The following CFAP299 variants were observed in gnomAD, a reference collection of about 807,000 sequenced individuals.
CFAP299 encodes cilia and flagella associated protein 299.
In CFAP299, 21 loss-of-function variants were observed where a neutral mutation model predicts 27.0. The ratio of observed to expected loss-of-function variants is 0.78; its 90% CI spans 0.55 to 1.12. The LOEUF (loss-of-function observed/expected upper bound fraction) is 1.12, where lower values mean the gene tolerates loss of function less well. Among genes scored for constraint, CFAP299 ranks in the 50% most tolerant of loss-of-function variants. CFAP299 has a pLI of 0.00. For missense variants in CFAP299, 310 were observed against 276.6 expected (o/e 1.12, Z -0.86); for synonymous variants, 104 against 98.1 (o/e 1.06, Z -0.36).
intron 2 of CFAP299, among the ~76,000 whole-genome samples, chr4:80,390,851 A>ATG (rs1376795604): frequency 6.9e-6 from 1 of 144,096 alleles, no homozygotes; most frequent in Non-Finnish European, 1.5e-5. Context: ...ATACACATAT[A>ATG]TGTATATGTA....
intron 4 of CFAP299, among the ~76,000 whole-genome samples, chr4:80,876,571 T>C (rs528623783): frequency 3.3e-4 from 50 of 152,322 alleles, no homozygotes; most frequent in Non-Finnish European, 6.3e-4. Context: ...AATATAATAA[T>C]GGACTAATAC....
chr4:80,931,534 G>T (rs1279865585), intron 4 of CFAP299, among the ~76,000 whole-genome samples: 2 of 152,046 alleles, frequency 1.3e-5, no homozygotes, highest in African/African-American at 4.8e-5. Flanking sequence ...TCTCACTCAG[G>T]TCTTAACCCT....
intron 3 of CFAP299, among the ~76,000 whole-genome samples, chr4:80,850,950 TA>T (rs1483803102): frequency 6.6e-6 from 1 of 152,130 alleles, no homozygotes; most frequent in East Asian, 1.9e-4. Context: ...TCAAAGTTAA[TA>T]CAGAAGCTTC....
intron 4 of CFAP299, among the ~76,000 whole-genome samples, chr4:80,882,652 G>GA (rs1042685353): frequency 2.1e-5 from 3 of 146,338 alleles, no homozygotes; most frequent in Non-Finnish European, 3.0e-5. Context: ...AAAAAAAATT[G>GA]AAAAAAAAAG....
At chr4:80,588,981 A>G (rs1178364786) in intron 3 of CFAP299, among the ~76,000 whole-genome samples, 2 of 152,216 alleles carry the variant, frequency 1.3e-5, no homozygotes, top group Non-Finnish European at 2.9e-5. Flanking sequence ...ATTCAAATCT[A>G]GGCAGTCTGG....
chr4:80,402,003 G>A (rs181915433), intron 2 of CFAP299, among the ~76,000 whole-genome samples: 6 of 152,186 alleles, frequency 3.9e-5, no homozygotes, highest in African/African-American at 1.4e-4. Flanking sequence ...GGATTTGCAC[G>A]GGCCCTGTAA....
intron 3 of CFAP299, among the ~76,000 whole-genome samples, chr4:80,757,775 A>G (rs904630269): frequency 6.6e-6 from 1 of 151,730 alleles, no homozygotes. Flanking sequence ...CTAAATGGGT[A>G]CTTCTGAAGC....
intron 4 of CFAP299, among the ~76,000 whole-genome samples, chr4:80,936,294 T>C (rs542811970): frequency 6.6e-6 from 1 of 152,234 alleles, no homozygotes; most frequent in South Asian, 2.1e-4. Flanking sequence ...ACTGGGTATA[T>C]ACCTAAAGGA....
At chr4:80,919,802 ATT>A (rs199692811) in intron 4 of CFAP299, among the ~76,000 whole-genome samples, 3 of 151,574 alleles carry the variant, frequency 2.0e-5, no homozygotes, top group Non-Finnish European at 4.4e-5. Context: ...GAGAGCACTA[ATT>A]TTTTTTTACA....
chr4:80,399,019 A>T (rs564779729), intron 2 of CFAP299, among the ~76,000 whole-genome samples: 1 of 141,566 alleles, frequency 7.1e-6, no homozygotes, highest in African/African-American at 2.5e-5. Context: ...CTCCATCAAA[A>T]AGTGGGTGAA....
At chr4:80,526,227 C>T (rs1252123266) in intron 2 of CFAP299, among the ~76,000 whole-genome samples, 1 of 152,042 alleles carries the variant, frequency 6.6e-6, no homozygotes, top group Non-Finnish European at 1.5e-5. Context: ...GATGGATCTC[C>T]ATTTTGATTA....
At chr4:80,388,432 T>A (rs1280261469) in intron 2 of CFAP299, 1 of 821,586 alleles carries the variant, frequency 1.2e-6, no homozygotes, top group African/African-American at 1.7e-5. Context: ...GTGTGTAGAT[T>A]GTGTAGATGC....
At chr4:80,487,219 C>A (rs1378147085) in intron 2 of CFAP299, among the ~76,000 whole-genome samples, 2 of 152,134 alleles carry the variant, frequency 1.3e-5, no homozygotes, top group African/African-American at 4.8e-5. Flanking sequence ...ATGAGAACTC[C>A]CCTTAAGTCT....
chr4:80,504,269 C>T (rs530350944), intron 2 of CFAP299, among the ~76,000 whole-genome samples: 2 of 150,970 alleles, frequency 1.3e-5, no homozygotes, highest in Admixed American at 1.3e-4. Flanking sequence ...TATTCTGGCT[C>T]CAGGAAAGGC....
chr4:80,490,451 C>G (rs1436904229), intron 2 of CFAP299, among the ~76,000 whole-genome samples: 1 of 152,204 alleles, frequency 6.6e-6, no homozygotes, highest in Non-Finnish European at 1.5e-5. Context: ...ATGTTTTCAA[C>G]ATCCATCCCA....
intron 3 of CFAP299, among the ~76,000 whole-genome samples, chr4:80,708,461 G>C (rs1023789619): frequency 2.6e-5 from 4 of 151,998 alleles, no homozygotes; most frequent in African/African-American, 9.7e-5. Context: ...TTCTTTCTTT[G>C]CTTCAGTGTA....
intron 3 of CFAP299, among the ~76,000 whole-genome samples, chr4:80,852,976 T>C (rs1421185116): frequency 6.6e-6 from 1 of 152,178 alleles, no homozygotes; most frequent in Non-Finnish European, 1.5e-5. Context: ...TCTACCTTTA[T>C]GGCCCCTGCA....
chr4:80,452,295 C>G (rs573396014), intron 2 of CFAP299, among the ~76,000 whole-genome samples: 1 of 152,134 alleles, frequency 6.6e-6, no homozygotes, highest in Non-Finnish European at 1.5e-5. Context: ...GACCAACAGG[C>G]CTTCAGGTAT....
intron 2 of CFAP299, among the ~76,000 whole-genome samples, chr4:80,378,978 A>G (rs1341729382): frequency 2.0e-5 from 3 of 151,784 alleles, no homozygotes; most frequent in Non-Finnish European, 4.4e-5. Context: ...AGGATGTTTT[A>G]CTTGCTCTTC....
Sources: gnomAD v4.1 joint callset for allele counts (sites outside exome capture counted in the v4.1 genomes callset) on GRCh38, gnomAD v4.1.1 for gene constraint, MANE v1.5 for transcripts, NCBI Gene and HGNC (gene_info 2026-07-23, HGNC 2026-07-21) for gene names.